SCML4: variants seen among roughly 807,000 people sequenced by gnomAD.
SCML4 encodes Scm polycomb group protein like 4.
Under a neutral mutation model 41.1 loss-of-function variants are expected in SCML4, and 34 were observed. The ratio of observed to expected loss-of-function variants is 0.83; its 90% CI spans 0.63 to 1.10. The LOEUF (loss-of-function observed/expected upper bound fraction) is 1.10, where lower values mean the gene tolerates loss of function less well. Among genes scored for constraint, SCML4 ranks in the 50% least tolerant of loss-of-function variants. The pLI, the probability that SCML4 is intolerant of heterozygous loss-of-function variation, is 0.00. For missense variants in SCML4, 522 were observed against 534.1 expected (o/e 0.98, Z 0.22); for synonymous variants, 214 against 220.9 (o/e 0.97, Z 0.28).
chr6:107,784,514 C>T (rs937719685), intron 1 of SCML4, among the ~76,000 whole-genome samples: 2 of 152,102 alleles, frequency 1.3e-5, no homozygotes, highest in Admixed American at 1.3e-4. Flanking sequence ...GCATAAGATA[C>T]CACTGGAAGC....
At chr6:107,715,975 T>C (rs1774744265) in intron 6 of SCML4, among the ~76,000 whole-genome samples, 1 of 136,370 alleles carries the variant, frequency 7.3e-6, no homozygotes, top group Admixed American at 8.1e-5. Flanking sequence ...CAGAGCAATA[T>C]TGAACAGTCA....
the SCML4 span, among the ~76,000 whole-genome samples, chr6:107,839,838 T>C: frequency 6.6e-6 from 1 of 152,178 alleles, no homozygotes; most frequent in Non-Finnish European, 1.5e-5. Flanking sequence ...GTAATCCTTC[T>C]GCCTCAGCCT....
intron 2 of SCML4, chr6:107,755,520 G>C: frequency 1.1e-6 from 1 of 941,562 alleles, no homozygotes; most frequent in Non-Finnish European, 1.4e-6. Flanking sequence ...GAGCCCACTG[G>C]CTAGAAGCTT....
chr6:107,758,945 G>A (rs9373977), intron 2 of SCML4, among the ~76,000 whole-genome samples: 147,186 of 152,144 alleles, frequency 0.97, 71,373 homozygotes, highest in Non-Finnish European at 1. Context: ...GATTTTAAGC[G>A]GGGAAACACA....
intron 1 of SCML4, among the ~76,000 whole-genome samples, chr6:107,813,449 A>G (rs1358434680): frequency 7.1e-6 from 1 of 140,178 alleles, no homozygotes; most frequent in Non-Finnish European, 1.5e-5. Flanking sequence ...AATACATATT[A>G]AAATAACAGT....
chr6:107,723,838 A>C (rs961058258), intron 5 of SCML4, among the ~76,000 whole-genome samples: 37 of 152,166 alleles, frequency 2.4e-4, no homozygotes, highest in Admixed American at 2.0e-3. Context: ...CTCATACCAA[A>C]ACCAGACAGA....
At chr6:107,797,621 A>T (rs1482286010) in intron 1 of SCML4, among the ~76,000 whole-genome samples, 1 of 151,990 alleles carries the variant, frequency 6.6e-6, no homozygotes, top group Non-Finnish European at 1.5e-5. Context: ...AATTTTTTAA[A>T]TTTCTTTTCT....
chr6:107,802,394 C>G (rs1783208156), intron 1 of SCML4, among the ~76,000 whole-genome samples: 1 of 151,982 alleles, frequency 6.6e-6, no homozygotes, highest in Non-Finnish European at 1.5e-5. Flanking sequence ...GAAAAACATT[C>G]CAGGCAGAGA....
intron 5 of SCML4, among the ~76,000 whole-genome samples, chr6:107,734,212 C>G (rs1562196764): frequency 6.6e-6 from 1 of 152,162 alleles, no homozygotes; most frequent in East Asian, 1.9e-4. Context: ...CAGCATCATT[C>G]TACTCCTCAA....
chr6:107,712,686 T>C (rs1005965260), intron 6 of SCML4, among the ~76,000 whole-genome samples: 2 of 152,118 alleles, frequency 1.3e-5, no homozygotes, highest in African/African-American at 4.8e-5. Context: ...AGCACATAGA[T>C]TCGCTTTAGA....
At chr6:107,742,638 C>T (rs1344451985) in intron 5 of SCML4, among the ~76,000 whole-genome samples, 2 of 152,098 alleles carry the variant, frequency 1.3e-5, no homozygotes, top group East Asian at 1.9e-4. Flanking sequence ...GGGAATGGAA[C>T]AGCATTTTCA....
chr6:107,772,647 A>G (rs1039276321), intron 1 of SCML4, among the ~76,000 whole-genome samples: 17 of 152,304 alleles, frequency 1.1e-4, no homozygotes, highest in Middle Eastern at 3.4e-3. Context: ...CAAAGAAAAC[A>G]ATAGTTTCCC....
intron 5 of SCML4, among the ~76,000 whole-genome samples, chr6:107,727,494 A>C (rs185478072): frequency 6.6e-6 from 1 of 152,352 alleles, no homozygotes; most frequent in African/African-American, 2.4e-5. Context: ...CTCAAGAATT[A>C]CGTGCAGTCA....
At chr6:107,779,878 C>T (rs1243928336) in intron 1 of SCML4, among the ~76,000 whole-genome samples, 1 of 152,258 alleles carries the variant, frequency 6.6e-6, no homozygotes, top group African/African-American at 2.4e-5. Context: ...TCCTCGTCCA[C>T]ACACTGGTCT....
At chr6:107,786,176 A>C (rs540656283) in intron 1 of SCML4, among the ~76,000 whole-genome samples, 1 of 152,238 alleles carries the variant, frequency 6.6e-6, no homozygotes, top group South Asian at 2.1e-4. Context: ...TGAGAACTCA[A>C]GTGAGTTGGA....
chr6:107,723,234 G>GA (rs1417099261), intron 5 of SCML4, among the ~76,000 whole-genome samples: 2 of 152,164 alleles, frequency 1.3e-5, no homozygotes, highest in African/African-American at 4.8e-5. Context: ...ATCATAAGTT[G>GA]AAAATGCATT....
upstream of SCML4, among the ~76,000 whole-genome samples, chr6:107,824,897 G>A (rs147954005): frequency 7.9e-5 from 12 of 152,272 alleles, 1 homozygote; most frequent in East Asian, 2.1e-3. Flanking sequence ...TGCCTATCCA[G>A]GTGTGTGCAC....
chr6:107,778,968 CAGG>C (rs1205617908), intron 1 of SCML4, among the ~76,000 whole-genome samples: 8 of 152,218 alleles, frequency 5.3e-5, no homozygotes, highest in African/African-American at 1.9e-4. Context: ...ATCACGAGGT[CAGG>C]AGATCAAGAC....
chr6:107,803,242 C>CCGTCTGGGA (rs1394266672), intron 1 of SCML4, among the ~76,000 whole-genome samples: 1 of 141,956 alleles, frequency 7.0e-6, no homozygotes, highest in African/African-American at 2.6e-5. Context: ...CCCGGCCGCC[C>CCGTCTGGGA]TGTCTGAGAA....
Sources: gnomAD v4.1 joint callset for allele counts (sites outside exome capture counted in the v4.1 genomes callset) on GRCh38, gnomAD v4.1.1 for gene constraint, MANE v1.5 for transcripts, NCBI Gene and HGNC (gene_info 2026-07-23, HGNC 2026-07-21) for gene names.